ANKRD36: variants seen among roughly 807,000 people sequenced by gnomAD.
The protein encoded by ANKRD36 is ankyrin repeat domain-containing protein 36A.
ANKRD36 carries 179 observed loss-of-function variants against 278.1 expected under a neutral mutation model. The observed-to-expected ratio is 0.64, with a 90% CI of 0.57 to 0.73. The LOEUF (loss-of-function observed/expected upper bound fraction) is 0.73. ANKRD36 is among the 30% of genes least tolerant of loss of function. The probability of loss-of-function intolerance (pLI) is 0.00; values close to 1 mark genes in which losing one functional copy is unlikely to be tolerated. For missense variants in ANKRD36, 1,159 were observed against 1,956.7 expected, an observed-to-expected ratio of 0.59 and a Z score of 7.69; for synonymous variants, 320 against 641.1, an observed-to-expected ratio of 0.50 and a Z score of 7.57.
At position 97,158,160 on chromosome 2, in the gene ANKRD36, A is replaced by G; in HGVS notation, c.1314A>G (p.Ala438=). Reference sequence around the variant, plus strand: ...GAAGGACTATTTCTCAACAATCTGCAGAAAATTGTAAGCTATTTGAAACCT... The same window carrying G: ...GAAGGACTATTTCTCAACAATCTGCGGAAAATTGTAAGCTATTTGAAACCT... ...TNRRTISQQS[A]ENLDAACGID... Residue 438 remains alanine (A), a synonymous_variant, in exon 16 of 76, where the codon GCA becomes GCG. Coordinates refer to ENST00000420699, the MANE Select transcript of ANKRD36 (RefSeq NM_001354587.1). 1.3e-6 allele frequency: 2 copies of G among 1,510,678 alleles called. No homozygotes were observed. The highest frequency in any genetic ancestry group is 1.8e-6 in the Non-Finnish European group (2 of 1,123,918). The allele number at this position is 1,510,678 out of a possible 1,614,324, so 93.6% of individuals were successfully genotyped here.
chr2:97,206,199 A>G lies in ANKRD36; in HGVS notation c.3163+64A>G, dbSNP rs1469761744. ...GATAGATAAGAAGTTCTCTTCCCCA[A>G]GTAAATCAGCGGGGGGCTCATCGAA... On this transcript the variant is annotated intron_variant, in intron 52 of 75. Transcript: ENST00000420699. 8 of 1,437,878 alleles carry G rather than the reference A, an allele frequency of 5.6e-6. No individual in the cohort carries two copies. The African/African-American group carries it at 1.0e-4, about 18-fold the overall frequency. 89.1% of individuals were successfully genotyped at this position (1,437,878 alleles called of 1,614,324 possible).
At chr2:97,210,060 G>T (rs1380583588) in intron 56 of ANKRD36, among the ~76,000 whole-genome samples, 188 bp downstream of exon 56, 1 of 151,822 alleles carries the variant, frequency 6.6e-6, no homozygotes, top group African/African-American at 2.4e-5. Flanking sequence ...TTCGCTCTAA[G>T]ATTATACCCT....
At chr2:97,179,638 G>C in intron 22 of ANKRD36, 100 bp from the exon 23 acceptor site, 11 of 1,480,616 alleles carry the variant, frequency 7.4e-6, no homozygotes, top group Non-Finnish European at 1.0e-5. Context: ...ATACAGGCAG[G>C]AGTACAAAAC....
At position 97,122,874 on chromosome 2, in the gene ANKRD36, TG is replaced by T. The variant is rs1559213912; in HGVS notation, c.487-12del. The T allele has an allele frequency of 6.5e-6, 10 of 1,530,948 alleles. No homozygotes were observed. The highest frequency in any genetic ancestry group is 8.8e-6 in the Non-Finnish European group (10 of 1,136,822). 94.8% of individuals were successfully genotyped at this position (1,530,948 alleles called of 1,614,324 possible). On this transcript the variant is annotated splice_polypyrimidine_tract_variant and intron_variant, in intron 3 of 75. Coordinates refer to ENST00000420699, the MANE Select transcript of ANKRD36 (RefSeq NM_001354587.1). ...TAATTTTGTGATTATAAATTGTTGCTGTTATTTTACAGTGTGAATATCAGCC... is the reference window on the plus strand; with the variant it reads ...TAATTTTGTGATTATAAATTGTTGCTTTATTTTACAGTGTGAATATCAGCC...
intron 68 of ANKRD36, among the ~76,000 whole-genome samples, chr2:97,235,406 A>G (rs1296449813): frequency 1.1e-4 from 16 of 144,790 alleles, no homozygotes; most frequent in African/African-American, 1.6e-4. Flanking sequence ...CCAGTGTTTG[A>G]GTCAAAAGCA....
At chr2:97,195,005 A>G in intron 40 of ANKRD36, 88 bp downstream of exon 40, 1 of 1,489,122 alleles carries the variant, frequency 6.7e-7, no homozygotes, top group Middle Eastern at 2.4e-4. Flanking sequence ...CTGGTCAAAG[A>G]TGCACATTCT....
In ANKRD36 at chr2:97,177,272, A is replaced by C. The variant is rs1226118424; in HGVS notation, c.1634-2466A>C. ...ACTGCCCAAGGTAATTTACAGATTC[A>C]ATGCCATCCCCATCAAGCTACCAAT... On this transcript the variant is annotated intron_variant, in intron 22 of 75. Transcript: ENST00000420699. 5.3e-5 allele frequency among the ~76,000 whole-genome samples: 8 copies of C among 152,054 alleles called. 1 individual carries two copies. The South Asian group carries it at 1.7e-3, about 32-fold the overall frequency.
chr2:97,220,729 C>CTTTTT, intron 66 of ANKRD36, among the ~76,000 whole-genome samples: 2 of 66,524 alleles, frequency 3.0e-5, no homozygotes, highest in African/African-American at 1.3e-4. Context: ...GATTTTCTTG[C>CTTTTT]TTTTTTTTTT....
At chr2:97,178,069 A>G (rs539581284) in intron 22 of ANKRD36, among the ~76,000 whole-genome samples, 1 of 150,842 alleles carries the variant, frequency 6.6e-6, no homozygotes, top group East Asian at 2.0e-4. Context: ...CAAAAAACAC[A>G]TGAAAAAATG....
intron 17 of ANKRD36, among the ~76,000 whole-genome samples, chr2:97,160,386 A>T (rs1270626887): frequency 1.3e-5 from 2 of 152,118 alleles, no homozygotes; most frequent in Non-Finnish European, 2.9e-5. Context: ...TATCTCCTAC[A>T]GTTGGGACAT....
rs767674351 is a variant in ANKRD36, at chr2:97,200,301, T to C, written c.2756-33T>C. 17 of 1,607,108 alleles carry C rather than the reference T, an allele frequency of 1.1e-5. 1 individual carries two copies. Among genetic ancestry groups the C allele is most frequent in the South Asian group, 9.9e-5 (9 of 90,766 alleles). ...TATGGATAATTTTATCATGTTTACA[T>C]GTGAGTGATTATGTATCCCTTTTGC... is the stretch of plus-strand genomic sequence containing the variant. On this transcript the variant is annotated intron_variant, in intron 44 of 75. Transcript: ENST00000420699.
chr2:97,136,734 C>T (rs2041605552), intron 6 of ANKRD36, among the ~76,000 whole-genome samples: 1 of 151,930 alleles, frequency 6.6e-6, no homozygotes, highest in African/African-American at 2.4e-5. Flanking sequence ...GTTTTCTACA[C>T]ATACAGCAGA....
rs529216671 is a variant in ANKRD36 at position 97,128,441 on chromosome 2, C to A, written c.799+1307C>A. Among the ~76,000 whole-genome samples, 16 of 151,132 alleles carry A rather than the reference C, an allele frequency of 1.1e-4. No individual in the cohort carries two copies. The East Asian group carries it at 3.1e-3, about 29-fold the overall frequency. On this transcript the variant is annotated intron_variant, in intron 6 of 75. Transcript: ENST00000420699. ...TTTAAGGAGGGAGTATGAATTCTAA[C>A]AAGTAAGATTACTCAAAAGCCAATT... is the stretch of plus-strand genomic sequence containing the variant.
chr2:97,243,916 T>C lies in ANKRD36; in HGVS notation c.4378T>C (p.Leu1460=). 1 of 1,605,712 alleles carries C rather than the reference T, an allele frequency of 6.2e-7. No individual in the cohort carries two copies. The highest frequency in any genetic ancestry group is 8.5e-7 in the Non-Finnish European group (1 of 1,177,876). Residue 1460 remains leucine (L), a synonymous_variant, in exon 70 of 76, where the codon TTA becomes CTA. Transcript: ENST00000420699. Reference sequence around the variant, plus strand: ...GGTGCACCAAAAAGTTAGGGAAAAGTTAAGAATAACAGAAGAGCAATATAG... The same window carrying C: ...GGTGCACCAAAAAGTTAGGGAAAAGCTAAGAATAACAGAAGAGCAATATAG... ...EEVHQKVREK[L]RITEEQYRIE...
At chr2:97,230,200 G>A (rs527714533) in intron 67 of ANKRD36, among the ~76,000 whole-genome samples, 2 of 152,196 alleles carry the variant, frequency 1.3e-5, no homozygotes, top group Middle Eastern at 3.4e-3. Context: ...GCTAGATTGG[G>A]GATGTTCTCC....
At chr2:97,157,209 T>C in intron 15 of ANKRD36, among the ~76,000 whole-genome samples, 1 of 150,810 alleles carries the variant, frequency 6.6e-6, no homozygotes. Context: ...TCTTGGGATG[T>C]GTTATTTTAT....
chr2:97,192,003 C>T (rs924646159), intron 36 of ANKRD36, among the ~76,000 whole-genome samples: 1 of 151,698 alleles, frequency 6.6e-6, no homozygotes, highest in East Asian at 2.0e-4. Flanking sequence ...ATACTCCCAA[C>T]AAGGCTATTT....
At chr2:97,249,504 T>TA in intron 73 of ANKRD36, 48 bp from the exon 74 acceptor site, 2 of 3,356 alleles carry the variant, frequency 6.0e-4, no homozygotes, top group Non-Finnish European at 8.4e-4. Flanking sequence ...TTACATGATT[T>TA]AAAAAAAATT....
chr2:97,149,922 G>A (rs2045465875), intron 12 of ANKRD36, among the ~76,000 whole-genome samples: 1 of 151,664 alleles, frequency 6.6e-6, no homozygotes, highest in South Asian at 2.1e-4. Context: ...TAGAAATTGT[G>A]GAAATTTAAC....
Sources: allele counts gnomAD v4.1 joint callset (sites outside exome capture counted in the v4.1 genomes callset), GRCh38; gene constraint gnomAD v4.1.1; transcripts MANE v1.5; gene names NCBI Gene and HGNC (gene_info 2026-07-23, HGNC 2026-07-21).